The following UBE2Q2 variants were observed in gnomAD, a reference collection of about 807,000 sequenced individuals.
UBE2Q2 encodes ubiquitin conjugating enzyme E2 Q2.
UBE2Q2 carries 54 observed loss-of-function variants against 59.9 expected under a neutral mutation model. That is an observed-to-expected ratio of 0.90 (90% CI 0.72 to 1.13). UBE2Q2 has a LOEUF of 1.13. UBE2Q2 is among the 50% of genes most tolerant of loss of function. UBE2Q2 has a pLI of 0.00. For synonymous variants in UBE2Q2, 165 were observed against 155.2 expected (o/e 1.06, Z -0.47); for missense variants, 433 against 441.9 (o/e 0.98, Z 0.18).
At chr15:75,885,200 A>G (rs915076872) in intron 9 of UBE2Q2, among the ~76,000 whole-genome samples, 3 of 151,828 alleles carry the variant, frequency 2.0e-5, no homozygotes, top group African/African-American at 7.2e-5. Context: ...GCTCACTGCA[A>G]CCTCTGCCTT....
chr15:75,861,008 GC>G (rs1255087629), intron 3 of UBE2Q2, among the ~76,000 whole-genome samples: 1 of 152,190 alleles, frequency 6.6e-6, no homozygotes, highest in Non-Finnish European at 1.5e-5. Context: ...TCTTTGTTCT[GC>G]TACTTACTGG....
In UBE2Q2 at chr15:75,900,246, C is replaced by T. The variant is rs1240458806; in HGVS notation, c.*788C>T. 7 of 152,144 alleles carry T rather than the reference C, an allele frequency of 4.6e-5. No individual in the cohort carries two copies. The highest frequency in any genetic ancestry group is 6.5e-5 in the Admixed American group (1 of 15,278). The allele number at this position is 152,144 out of a possible 1,614,324, so 9.4% of individuals were successfully genotyped here. A position where few individuals can be genotyped will look rare whatever the true frequency, so the allele number is the denominator to read the frequency against. The stretch of plus-strand genomic sequence containing the variant: ...TCATCTTACGTTTCCATTTTATTAA[C>T]GGGATGTTGCAATCGTTTGTAAACT... On this transcript the variant is annotated 3_prime_UTR_variant, in exon 13 of 13. Transcript: ENST00000267938.
intron 11 of UBE2Q2, among the ~76,000 whole-genome samples, chr15:75,895,984 A>C (rs1899400593): frequency 1.3e-5 from 2 of 152,226 alleles, no homozygotes; most frequent in Admixed American, 1.3e-4. Context: ...GGACTGATTA[A>C]ATATTTGAAT....
intron 4 of UBE2Q2, among the ~76,000 whole-genome samples, chr15:75,870,907 G>T (rs576901164): frequency 6.6e-6 from 1 of 152,178 alleles, no homozygotes; most frequent in Non-Finnish European, 1.5e-5. Flanking sequence ...TAGGTGGAAC[G>T]AGAGACTTGG....
At chr15:75,883,459 T>C (rs1223135422) in intron 9 of UBE2Q2, 35 bp downstream of exon 9, 6 of 1,583,270 alleles carry the variant, frequency 3.8e-6, no homozygotes, top group Non-Finnish European at 5.2e-6. Flanking sequence ...AGAAATTTTT[T>C]TCAGTTAAAA....
At position 75,899,640 on chromosome 15, in the gene UBE2Q2, T is replaced by TTAGA. The variant is rs953055061; in HGVS notation, c.*185_*188dup. ...TTACAGCCTTTGCATTTTGCTCATTTTAGATATCTTGGACTGAGCAGTGGG... is the reference window on the plus strand; with the variant it reads ...TTACAGCCTTTGCATTTTGCTCATTTTAGATAGATATCTTGGACTGAGCAGTGGG... On this transcript the variant is annotated 3_prime_UTR_variant, in exon 13 of 13. Transcript: ENST00000267938. The TTAGA allele has an allele frequency of 5.2e-5, 23 of 444,728 alleles. No individual in the cohort carries two copies. The highest frequency in any genetic ancestry group is 4.8e-4 in the African/African-American group (23 of 48,234). 27.5% of individuals were successfully genotyped at this position (444,728 alleles called of 1,614,324 possible).
In UBE2Q2 at chr15:75,876,226, A is replaced by G; in HGVS notation, c.628A>G (p.Met210Val). The change falls in exon 6 of 13, where the codon ATG becomes GTG. Residue 210 changes from methionine to valine, a missense_variant. Coordinates refer to ENST00000267938, the MANE Select transcript of UBE2Q2 (RefSeq NM_173469.4). ...GTCAGTGCAAGCTTCAGATAGACTT[A>G]TGAAAGAGCTCAGGGACATATACAG... ...SGSVQASDRLMKELRDIYRSQ... is the reference protein window; with the variant it reads ...SGSVQASDRLVKELRDIYRSQ... 6.2e-7 allele frequency: 1 copy of G among 1,614,040 alleles called. No individual in the cohort carries two copies. Among genetic ancestry groups the G allele is most frequent in the East Asian group, 2.2e-5 (1 of 44,880 alleles).
chr15:75,878,995 A>AG, intron 7 of UBE2Q2, 103 bp from the exon 8 acceptor site: 2 of 715,882 alleles, frequency 2.8e-6, no homozygotes, highest in Non-Finnish European at 4.5e-6. Context: ...AACTTGCCCT[A>AG]GGTGCTCTAT....
chr15:75,892,019 C>T (rs548419884), intron 11 of UBE2Q2, among the ~76,000 whole-genome samples: 1 of 152,274 alleles, frequency 6.6e-6, no homozygotes, highest in African/African-American at 2.4e-5. Flanking sequence ...CACAGAATCC[C>T]CTAGACTGTG....
At position 75,899,561 on chromosome 15, in the gene UBE2Q2, T is replaced by G; in HGVS notation, c.*103T>G. 1 of 897,386 alleles carries G rather than the reference T, an allele frequency of 1.1e-6. No individual in the cohort carries two copies. Among genetic ancestry groups the G allele is most frequent in the South Asian group, 1.5e-5 (1 of 66,192 alleles). The allele number at this position is 897,386 out of a possible 1,614,324, so 55.6% of individuals were successfully genotyped here. On this transcript the variant is annotated 3_prime_UTR_variant, in exon 13 of 13. Transcript: ENST00000267938. ...GCCCCTATTACAGCAGTACCGAAGA[T>G]GTTAGTTAATAGATATTTTAGTGGA...
chr15:75,881,597 C>T (rs1352324525), intron 8 of UBE2Q2, among the ~76,000 whole-genome samples: 2 of 152,062 alleles, frequency 1.3e-5, no homozygotes, highest in Non-Finnish European at 2.9e-5. Context: ...TTATTAGTAT[C>T]GGGATTCACA....
At chr15:75,844,048 C>G in intron 1 of UBE2Q2, 1 of 1,408,576 alleles carries the variant, frequency 7.1e-7, no homozygotes, top group Non-Finnish European at 9.2e-7. Context: ...GAGGGCGCGT[C>G]TTTCCGGCTT....
rs368559982 is a variant in UBE2Q2, at chr15:75,868,971, G to T, written c.408G>T (p.Val136=). ...PTGQNGTTEE[V]TSEEEEEEEE... ...TTCAGAATGGGACAACAGAAGAAGT[G>T]ACTTCAGAAGAAGAGGAAGAAGAAG... Residue 136 remains valine, a synonymous_variant, in exon 4 of 13, where the codon GTG becomes GTT. Transcript: ENST00000267938. The T allele has an allele frequency of 8.6e-5, 138 of 1,612,834 alleles. No homozygotes were observed. The highest frequency in any genetic ancestry group is 3.3e-4 in the African/African-American group (25 of 74,988).
rs370564605 is a variant in UBE2Q2, at chr15:75,859,972, C to A, written c.377C>A (p.Pro126His). ...GTTGAGATGCTAGATCAACCACTAC[C>A]CACGGGTCAGGTAAAGTAAAAATTC... is the stretch of plus-strand genomic sequence containing the variant. Reference protein sequence around the residue: ...LDVEMLDQPLPTGQNGTTEEV... With the variant: ...LDVEMLDQPLHTGQNGTTEEV... Residue 126 changes from proline (P) to histidine (H), a missense_variant, in exon 3 of 13, where the codon CCC (proline) becomes CAC (histidine). Pro to His is a moderately conservative substitution (Grantham distance 77). Transcript: ENST00000267938. The A allele has an allele frequency of 9.0e-5, 144 of 1,594,482 alleles. No individual in the cohort carries two copies. The highest frequency in any genetic ancestry group is 6.6e-4 in the South Asian group (57 of 85,858).
intron 7 of UBE2Q2, 160 bp downstream of exon 7, chr15:75,878,181 T>G (rs1567034401): frequency 1.8e-6 from 1 of 570,510 alleles, no homozygotes; most frequent in Admixed American, 3.6e-5. Context: ...AATGAGCTGT[T>G]GCTGAGGTCT....
intron 1 of UBE2Q2, among the ~76,000 whole-genome samples, chr15:75,846,014 T>C (rs142040073): frequency 3.9e-5 from 6 of 152,330 alleles, no homozygotes; most frequent in Middle Eastern, 3.4e-3. Flanking sequence ...GAGATAATTA[T>C]CATGGCAGCT....
chr15:75,865,212 G>A (rs1470799005), intron 3 of UBE2Q2, among the ~76,000 whole-genome samples: 1 of 152,236 alleles, frequency 6.6e-6, no homozygotes, highest in African/African-American at 2.4e-5. Context: ...CATTTCTCTA[G>A]TGTTACCACT....
intron 1 of UBE2Q2, among the ~76,000 whole-genome samples, chr15:75,847,152 C>T (rs1896395282): frequency 6.6e-6 from 1 of 152,112 alleles, no homozygotes; most frequent in Non-Finnish European, 1.5e-5. Flanking sequence ...TATAATTATG[C>T]TTTGTGCTTT....
At chr15:75,847,678 A>C (rs1452212337) in intron 1 of UBE2Q2, among the ~76,000 whole-genome samples, 1 of 152,060 alleles carries the variant, frequency 6.6e-6, no homozygotes, top group Non-Finnish European at 1.5e-5. Flanking sequence ...CCTTATTGGG[A>C]GCTAGTATAT....
Sources: gnomAD v4.1 joint callset for allele counts (sites outside exome capture counted in the v4.1 genomes callset) on GRCh38, gnomAD v4.1.1 for gene constraint, MANE v1.5 for transcripts, NCBI Gene and HGNC (gene_info 2026-07-23, HGNC 2026-07-21) for gene names.